The following ANO2 variants were observed in gnomAD, a reference collection of about 807,000 sequenced individuals.
ANO2 encodes anoctamin 2.
In ANO2, 101 loss-of-function variants were observed where a neutral mutation model predicts 124.2. The ratio of observed to expected loss-of-function variants is 0.81; its 90% CI spans 0.69 to 0.96. The LOEUF (loss-of-function observed/expected upper bound fraction) is 0.96, where lower values mean the gene tolerates loss of function less well. ANO2 is among the 40% of genes least tolerant of loss of function. The probability of loss-of-function intolerance (pLI) is 0.00; values close to 1 mark genes in which losing one functional copy is unlikely to be tolerated. For missense variants in ANO2, 1,293 were observed against 1,274.5 expected (o/e 1.01, Z -0.22); for synonymous variants, 486 against 482.5 (o/e 1.01, Z -0.09).
In ANO2 at chr12:5,832,175, G is replaced by A. The variant is rs144639532; in HGVS notation, c.785+277C>T. On this transcript the variant is annotated intron_variant, in intron 5 of 24. Coordinates refer to ENST00000682330, the MANE Select transcript of ANO2 (RefSeq NM_001364791.2). The stretch of plus-strand genomic sequence containing the variant: ...TTCTCACACAGTTCCAAAGTTTATT[G>A]TTGGCTGCTCCCTGGTTTGCCCTCC... Among the ~76,000 whole-genome samples, 105 of 152,318 alleles carry A rather than the reference G, an allele frequency of 6.9e-4. No homozygotes were observed. In the Middle Eastern group the frequency reaches 0.014, roughly 20 times the overall value.
chr12:5,836,996 T>G (rs1374019597), intron 4 of ANO2, among the ~76,000 whole-genome samples: 1 of 152,222 alleles, frequency 6.6e-6, no homozygotes, highest in Non-Finnish European at 1.5e-5. Context: ...AATGAATGAA[T>G]GAGAAATCTC....
At chr12:5,821,309 C>T (rs1271623351) in intron 7 of ANO2, among the ~76,000 whole-genome samples, 5 of 152,152 alleles carry the variant, frequency 3.3e-5, no homozygotes, top group African/African-American at 1.2e-4. Context: ...TGCATTTAGC[C>T]CCTTTTACAA....
chr12:5,680,360 C>A (rs1010307041), intron 14 of ANO2, among the ~76,000 whole-genome samples: 1 of 151,742 alleles, frequency 6.6e-6, no homozygotes, highest in African/African-American at 2.4e-5. Flanking sequence ...CTGGGACCTA[C>A]AATTAAGAGG....
chr12:5,682,640 T>C (rs529102714), intron 14 of ANO2, among the ~76,000 whole-genome samples: 2 of 152,282 alleles, frequency 1.3e-5, no homozygotes, highest in South Asian at 2.1e-4. Context: ...ACGTTAGGCA[T>C]TGGAAGAGCC....
At chr12:5,852,834 A>G (rs925894555) in intron 4 of ANO2, among the ~76,000 whole-genome samples, 1 of 142,316 alleles carries the variant, frequency 7.0e-6, no homozygotes, top group African/African-American at 2.6e-5. Context: ...ATACAACTAC[A>G]CTATGGAAAG....
Position 5,830,497 on chromosome 12 carries a change from C to T in ANO2, c.786-8G>A. The T allele has an allele frequency of 6.2e-7, 1 of 1,610,218 alleles. No homozygotes were observed. The highest frequency in any genetic ancestry group is 8.5e-7 in the Non-Finnish European group (1 of 1,178,312). Reference sequence around the variant, plus strand: ...TTTTCCTGGATGTTGTACCTGGAGACACCAAGAGAGCAGATGGCAAATTCA... The same window carrying T: ...TTTTCCTGGATGTTGTACCTGGAGATACCAAGAGAGCAGATGGCAAATTCA... On this transcript the variant is annotated splice_region_variant and splice_polypyrimidine_tract_variant and intron_variant, in intron 5 of 24. Transcript: ENST00000682330.
intron 19 of ANO2, among the ~76,000 whole-genome samples, chr12:5,609,401 G>A (rs765695302): frequency 2.0e-4 from 31 of 152,086 alleles, no homozygotes; most frequent in Non-Finnish European, 4.0e-4. Flanking sequence ...CCAGTACAAG[G>A]TCAGAAAAGC....
intron 9 of ANO2, among the ~76,000 whole-genome samples, chr12:5,805,498 C>G (rs1396463381): frequency 6.6e-6 from 1 of 152,204 alleles, no homozygotes; most frequent in Non-Finnish European, 1.5e-5. Flanking sequence ...GCCTCCCTCA[C>G]ACTCAGATTG....
chr12:5,851,621 A>G lies in ANO2; in HGVS notation c.633+2422T>C, dbSNP rs528807435. On this transcript the variant is annotated intron_variant, in intron 4 of 24. Transcript: ENST00000682330. ...AATTGCTTGAACCTGGGGGACGGAG[A>G]TTGCAGTGAGCCGAGATCACACCAC... Among the ~76,000 whole-genome samples, 22 of 150,200 alleles carry G rather than the reference A, an allele frequency of 1.5e-4. No individual in the cohort carries two copies. The South Asian group carries it at 4.0e-3, about 28-fold the overall frequency.
chr12:5,790,169 GA>G (rs930651746), intron 10 of ANO2, among the ~76,000 whole-genome samples: 10 of 152,212 alleles, frequency 6.6e-5, no homozygotes, highest in African/African-American at 2.4e-4. Flanking sequence ...CAACTATAGG[GA>G]GAGAAACTTC....
intron 3 of ANO2, among the ~76,000 whole-genome samples, chr12:5,855,408 C>A (rs867065853): frequency 2.6e-5 from 4 of 152,188 alleles, no homozygotes; most frequent in African/African-American, 9.7e-5. Context: ...AAAACTATTT[C>A]TATTATTCTT....
intron 1 of ANO2, among the ~76,000 whole-genome samples, chr12:5,923,243 C>CACAT (rs1941903013): frequency 7.2e-6 from 1 of 139,198 alleles, no homozygotes; most frequent in African/African-American, 2.9e-5. Flanking sequence ...CATACACACA[C>CACAT]GCATACACAC....
intron 16 of ANO2, among the ~76,000 whole-genome samples, chr12:5,628,872 A>G (rs1591772086): frequency 6.6e-6 from 1 of 152,218 alleles, no homozygotes; most frequent in Non-Finnish European, 1.5e-5. Context: ...GAAATGACCC[A>G]TTCCCAGTGT....
At chr12:5,854,286 A>G in intron 3 of ANO2, 145 bp from the exon 4 acceptor site, 1 of 650,140 alleles carries the variant, frequency 1.5e-6, no homozygotes, top group Non-Finnish European at 2.6e-6. Flanking sequence ...ACCAGGGACC[A>G]GTCCCTTCCC....
chr12:5,853,342 TA>T (rs35363284), intron 4 of ANO2, among the ~76,000 whole-genome samples: 20,542 of 145,694 alleles, frequency 0.14, 1,669 homozygotes, highest in Non-Finnish European at 0.19. Flanking sequence ...TATCCTGGAT[TA>T]AAAAAAAAAA....
At chr12:5,647,370 T>G (rs1475616343) in intron 15 of ANO2, among the ~76,000 whole-genome samples, 1 of 152,236 alleles carries the variant, frequency 6.6e-6, no homozygotes, top group Non-Finnish European at 1.5e-5. Flanking sequence ...GAGCCCAAGC[T>G]GGCTATCTCC....
intron 1 of ANO2, among the ~76,000 whole-genome samples, chr12:5,927,137 C>A (rs73257292): frequency 6.6e-6 from 1 of 152,184 alleles, no homozygotes; most frequent in African/African-American, 2.4e-5. Flanking sequence ...TGCTCACCTG[C>A]CACTTCCTCC....
chr12:5,733,903 G>A (rs140882781), intron 13 of ANO2, among the ~76,000 whole-genome samples: 6 of 151,976 alleles, frequency 3.9e-5, no homozygotes, highest in East Asian at 3.9e-4. Flanking sequence ...TTTTTTCCTC[G>A]CTGTTTTGCA....
intron 3 of ANO2, among the ~76,000 whole-genome samples, chr12:5,891,602 C>T (rs1312329407): frequency 1.3e-5 from 2 of 152,202 alleles, no homozygotes; most frequent in Non-Finnish European, 2.9e-5. Flanking sequence ...CCTAAAGCTG[C>T]ATGTGCATGG....
Sources: allele counts gnomAD v4.1 joint callset (sites outside exome capture counted in the v4.1 genomes callset), GRCh38; gene constraint gnomAD v4.1.1; transcripts MANE v1.5; gene names NCBI Gene and HGNC (gene_info 2026-07-23, HGNC 2026-07-21).